The following MME variants were observed in gnomAD, a reference collection of about 807,000 sequenced individuals.
MME encodes the protein membrane metalloendopeptidase.
A neutral mutation model predicts 113.2 loss-of-function variants in MME; 98 were observed. That is an observed-to-expected ratio of 0.87 (90% CI 0.74 to 1.02). The LOEUF is 1.02. Ranked by LOEUF, MME falls within the 50% of genes least tolerant of loss-of-function variation. The pLI, the probability that MME is intolerant of heterozygous loss-of-function variation, is 0.00. For synonymous variants in MME, 292 were observed against 300.6 expected, an observed-to-expected ratio of 0.97 and a Z score of 0.30; for missense variants, 836 against 896.0, an observed-to-expected ratio of 0.93 and a Z score of 0.86.
intron 3 of MME, among the ~76,000 whole-genome samples, chr3:155,088,552 G>A (rs1194450656): frequency 3.3e-5 from 5 of 151,802 alleles, no homozygotes; most frequent in African/African-American, 7.3e-5. Context: ...GTGTGGTGGC[G>A]CATGCCTGTA....
Position 155,085,076 on chromosome 3 carries a change from T to A in MME, c.178T>A (p.Ser60Thr). 1 of 1,588,186 alleles carries A rather than the reference T, an allele frequency of 6.3e-7. No homozygotes were observed. Residue 60 changes from serine to threonine, a missense_variant, in exon 3 of 23, where the codon TCA becomes ACA. Transcript: ENST00000360490. ...TTTTCTAGATGGTATTTGCAAGTCA[T>A]CAGACTGCATAAAATCAGGTAAGAA... ...ATYDDGICKS[S>T]DCIKSAARLI...
Position 155,181,044 on chromosome 3 carries a change from T to C in MME, c.*585T>C, listed in dbSNP as rs1376586147. On this transcript the variant is annotated 3_prime_UTR_variant, in exon 23 of 23. Coordinates refer to ENST00000360490, the MANE Select transcript of MME (RefSeq NM_007289.4). ...TTCTGTGATCATTTATTTTAAGCAC[T>C]CTTAAAGCAAAAAATGAATGTCTAA... The C allele has an allele frequency of 6.5e-6, 1 of 153,406 alleles. No individual in the cohort carries two copies. The highest frequency in any genetic ancestry group is 1.5e-5 in the Non-Finnish European group (1 of 68,562). The allele number at this position is 153,406 out of a possible 1,614,324, so 9.5% of individuals were successfully genotyped here.
Position 155,140,363 on chromosome 3 carries a change from A to T in MME, c.957+71A>T, listed in dbSNP as rs533596720. 7.1e-5 allele frequency: 68 copies of T among 955,510 alleles called. 1 individual carries two copies. In the African/African-American group the frequency reaches 9.3e-4, roughly 13 times the overall value. The allele number at this position is 955,510 out of a possible 1,614,324, so 59.2% of individuals were successfully genotyped here. A position where few individuals can be genotyped will look rare whatever the true frequency, so the allele number is the denominator to read the frequency against. Reference sequence around the variant, plus strand: ...ATTATAACATTGAAATACTCTTTCTAAAATTCGTCAAGTTTTTATTTATTG... The same window carrying T: ...ATTATAACATTGAAATACTCTTTCTTAAATTCGTCAAGTTTTTATTTATTG... On this transcript the variant is annotated intron_variant, in intron 10 of 22. Coordinates refer to ENST00000360490, the MANE Select transcript of MME (RefSeq NM_007289.4).
chr3:155,040,047 C>A (rs555071029), intron 1 of MME, among the ~76,000 whole-genome samples: 6 of 152,100 alleles, frequency 3.9e-5, no homozygotes, highest in Non-Finnish European at 8.8e-5. Flanking sequence ...TAAGACAAAT[C>A]ATACTAAAAA....
chr3:155,035,369 G>T (rs920509751), intron 1 of MME, among the ~76,000 whole-genome samples: 5 of 150,300 alleles, frequency 3.3e-5, no homozygotes, highest in African/African-American at 7.3e-5. Flanking sequence ...TGTATTAAGT[G>T]CATCATTCCA....
chr3:155,054,801 G>T (rs563631725), intron 1 of MME, among the ~76,000 whole-genome samples: 2 of 152,314 alleles, frequency 1.3e-5, no homozygotes, highest in Admixed American at 1.3e-4. Flanking sequence ...TGGGCAACAA[G>T]AGTGAAACTC....
In MME at chr3:155,115,118, T is replaced by C. The variant is rs200172402; in HGVS notation, c.321T>C (p.Phe107=). 9 of 1,614,162 alleles carry C rather than the reference T, an allele frequency of 5.6e-6. No homozygotes were observed. The East Asian group carries it at 2.0e-4, about 36-fold the overall frequency. ...IPETSSRYGN[F]DILRDELEVV... is the part of the protein sequence containing the mutation. ...AGACCAGCTCCCGTTACGGCAACTTTGACATTTTAAGAGATGAACTAGAAG... is the reference window on the plus strand; with the variant it reads ...AGACCAGCTCCCGTTACGGCAACTTCGACATTTTAAGAGATGAACTAGAAG... The change falls in exon 4 of 23, where the codon TTT becomes TTC. Residue 107 remains phenylalanine (F), a synonymous_variant. Transcript: ENST00000360490.
At chr3:155,043,663 A>G (rs1326576772) in intron 1 of MME, among the ~76,000 whole-genome samples, 1 of 151,908 alleles carries the variant, frequency 6.6e-6, no homozygotes, top group African/African-American at 2.4e-5. Flanking sequence ...CCCATTTGCC[A>G]CCTTCATAAT....
At chr3:155,086,190 T>C (rs1327327903) in intron 3 of MME, among the ~76,000 whole-genome samples, 1 of 151,888 alleles carries the variant, frequency 6.6e-6, no homozygotes, top group Non-Finnish European at 1.5e-5. Context: ...ATTGAGATAA[T>C]GGGGAGGGAG....
At chr3:155,114,029 A>C (rs1422503041) in intron 3 of MME, among the ~76,000 whole-genome samples, 1 of 152,214 alleles carries the variant, frequency 6.6e-6, no homozygotes, top group Non-Finnish European at 1.5e-5. Flanking sequence ...CAGCTCAGCA[A>C]TTGTTTGAAG....
At chr3:155,069,355 G>C (rs1482011885) in intron 1 of MME, among the ~76,000 whole-genome samples, 2 of 152,202 alleles carry the variant, frequency 1.3e-5, no homozygotes, top group Admixed American at 6.5e-5. Flanking sequence ...ATTAAGAAAT[G>C]TCATCAGGCT....
intron 13 of MME, 68 bp downstream of exon 13, chr3:155,143,639 A>T (rs1721296241): frequency 6.4e-7 from 1 of 1,560,642 alleles, no homozygotes; most frequent in South Asian, 1.1e-5. Context: ...ACTGATGAGC[A>T]ATTACAGTTC....
At chr3:155,156,279 T>C (rs1291098461) in intron 16 of MME, among the ~76,000 whole-genome samples, 1 of 152,192 alleles carries the variant, frequency 6.6e-6, no homozygotes, top group Non-Finnish European at 1.5e-5. Context: ...ACTTTTGTCC[T>C]GCATGGTTGT....
chr3:155,172,203 C>T lies in MME; in HGVS notation c.2067C>T (p.Asn689=), dbSNP rs146536523. The T allele has an allele frequency of 3.1e-6, 5 of 1,601,146 alleles. No homozygotes were observed. In the South Asian group the frequency reaches 5.5e-5, roughly 18 times the overall value. The change falls in exon 21 of 23, where the codon AAC becomes AAT. Residue 689 remains asparagine (N), a synonymous_variant. Transcript: ENST00000360490. ...DLNHKQLFFL[N]FAQVWCGTYR... is the part of the protein sequence containing the mutation. ...ATCACAAACAACTATTTTTCTTGAACTTTGCACAGGTATTGTGTCTTTCTT... is the reference window on the plus strand; with the variant it reads ...ATCACAAACAACTATTTTTCTTGAATTTTGCACAGGTATTGTGTCTTTCTT...
In MME at chr3:155,094,740, T is replaced by A. The variant is rs548264881; in HGVS notation, c.196+9646T>A. 3.9e-5 allele frequency among the ~76,000 whole-genome samples: 6 copies of A among 152,348 alleles called. No individual in the cohort carries two copies. The East Asian group carries it at 9.6e-4, about 24-fold the overall frequency. ...AATCAGAAATGAACACTTGAATCTG[T>A]GTTTCCTGTAAAGAAAAGCCTACCA... On this transcript the variant is annotated intron_variant, in intron 3 of 22. Transcript: ENST00000360490.
chr3:155,045,989 T>C (rs188496402), intron 1 of MME, among the ~76,000 whole-genome samples: 289 of 152,198 alleles, frequency 1.9e-3, no homozygotes, highest in Non-Finnish European at 3.2e-3. Context: ...ATTTGGAGTT[T>C]GCTGAGCTTC....
intron 16 of MME, chr3:155,158,734 A>G (rs1322634823): frequency 3.3e-5 from 5 of 152,058 alleles, no homozygotes; most frequent in African/African-American, 7.2e-5. Context: ...TTGTGAGTCA[A>G]CACAAATTAT....
intron 1 of MME, among the ~76,000 whole-genome samples, chr3:155,056,950 T>A (rs988794653): frequency 2.6e-5 from 4 of 152,092 alleles, no homozygotes; most frequent in Admixed American, 1.3e-4. Flanking sequence ...TTAATTCAAG[T>A]TGGATTAAAG....
chr3:155,062,138 T>C (rs1714171402), intron 1 of MME, among the ~76,000 whole-genome samples: 2 of 152,234 alleles, frequency 1.3e-5, no homozygotes, highest in African/African-American at 4.8e-5. Flanking sequence ...TGCTAAATAG[T>C]ATACTTGCCT....
Sources: allele counts gnomAD v4.1 joint callset (sites outside exome capture counted in the v4.1 genomes callset), GRCh38; gene constraint gnomAD v4.1.1; transcripts MANE v1.5; gene names NCBI Gene and HGNC (gene_info 2026-07-23, HGNC 2026-07-21).